Variants in DLGAP1 observed in about 807,000 individuals in gnomAD.
DLGAP1 encodes DLG associated protein 1.
A neutral mutation model predicts 90.8 loss-of-function variants in DLGAP1; 11 were observed. That is an observed-to-expected ratio of 0.12 (90% CI 0.08 to 0.20). DLGAP1 has a LOEUF of 0.20. Among genes scored for constraint, DLGAP1 ranks in the 10% least tolerant of loss-of-function variants. The pLI, the probability that DLGAP1 is intolerant of heterozygous loss-of-function variation, is 1.00. For synonymous variants in DLGAP1, 558 were observed against 540.7 expected, an observed-to-expected ratio of 1.03 and a Z score of -0.44; for missense variants, 1,050 against 1,333.8, an observed-to-expected ratio of 0.79 and a Z score of 3.31.
rs1437020482 is a variant in DLGAP1 at position 3,526,709 on chromosome 18, A to T, written c.2479+7485T>A. 6.6e-6 allele frequency among the ~76,000 whole-genome samples: 1 copy of T among 152,218 alleles called. No homozygotes were observed. Among genetic ancestry groups the T allele is most frequent in the South Asian group, 2.1e-4 (1 of 4,828 alleles). On this transcript the variant is annotated intron_variant, in intron 10 of 12. Transcript: ENST00000315677. The surrounding 1 kb of genome is among the most constrained non-coding windows in gnomAD (Gnocchi z 4.7). The stretch of plus-strand genomic sequence containing the variant: ...ACCTGAGCCTATGTTCTTTCCCCAC[A>T]GTGGTAGACTGCATTCCTAGTTGGA...
At chr18:3,803,624 A>G (rs1344007134) in intron 5 of DLGAP1, among the ~76,000 whole-genome samples, 1 of 152,094 alleles carries the variant, frequency 6.6e-6, no homozygotes, top group Non-Finnish European at 1.5e-5. Context: ...GATGGTGGAA[A>G]CAGTCTCCAG....
Position 3,502,602 on chromosome 18 carries a change from C to A in DLGAP1, c.2615G>T (p.Gly872Val), listed in dbSNP as rs2049994826. ...HPRPTSQDLA[G>V]FWDMLQLSIE... is the part of the protein sequence containing the mutation. The stretch of plus-strand genomic sequence containing the variant: ...GGACAACTGCAGCATGTCCCAAAAC[C>A]CCGCCAAATCCTGGGAGGTGGGTCT... The change falls in exon 12 of 13, where the codon GGG becomes GTG. Residue 872 changes from glycine (G) to valine (V), a missense_variant. Physicochemically the swap from Gly to Val is moderately radical, Grantham distance 109. Around this residue, in one of 2 missense-constraint regions of DLGAP1, gnomAD observed 565 missense variants for 879.7 expected, o/e 0.64. Transcript: ENST00000315677. The A allele has an allele frequency of 6.2e-7, 1 of 1,613,964 alleles. No homozygotes were observed. Among genetic ancestry groups the A allele is most frequent in the South Asian group, 1.1e-5 (1 of 91,068 alleles).
chr18:4,251,580 C>A (rs1440272822), intron 1 of DLGAP1, among the ~76,000 whole-genome samples: 1 of 152,124 alleles, frequency 6.6e-6, no homozygotes, highest in African/African-American at 2.4e-5. Context: ...CATATAAAAT[C>A]CAGTGAAAAT....
intron 3 of DLGAP1, among the ~76,000 whole-genome samples, chr18:4,000,385 C>G (rs1277988109): frequency 6.6e-6 from 1 of 152,116 alleles, no homozygotes; most frequent in Non-Finnish European, 1.5e-5. Context: ...TTTTTATATT[C>G]TCTTTCCAGT....
At chr18:3,778,349 G>T (rs1350881047) in intron 5 of DLGAP1, among the ~76,000 whole-genome samples, 2 of 152,070 alleles carry the variant, frequency 1.3e-5, no homozygotes, top group Non-Finnish European at 2.9e-5. Flanking sequence ...GCTGAGGCAG[G>T]AGAATCGCTT....
intron 7 of DLGAP1, among the ~76,000 whole-genome samples, chr18:3,710,560 T>C (rs759357215): frequency 3.3e-5 from 5 of 152,252 alleles, no homozygotes; most frequent in Non-Finnish European, 7.3e-5. Context: ...CTTTTACTTA[T>C]TTATTCCATA....
intron 7 of DLGAP1, among the ~76,000 whole-genome samples, chr18:3,697,615 CA>C: frequency 6.6e-6 from 1 of 152,140 alleles, no homozygotes; most frequent in African/African-American, 2.4e-5. Flanking sequence ...ATTATGTGGT[CA>C]ATTTTAGAAT....
At chr18:3,577,598 A>C (rs2055233078) in intron 8 of DLGAP1, among the ~76,000 whole-genome samples, 1 of 152,226 alleles carries the variant, frequency 6.6e-6, no homozygotes, top group Non-Finnish European at 1.5e-5. Context: ...TGCATGAAAA[A>C]GAGGAGACAG....
In DLGAP1 at chr18:3,580,312, G is replaced by A; in HGVS notation, c.1965+1563C>T. The A allele has an allele frequency of 2.5e-6, 4 of 1,613,936 alleles. No individual in the cohort carries two copies. In the East Asian group the frequency reaches 8.9e-5, roughly 36 times the overall value. On this transcript the variant is annotated intron_variant, in intron 8 of 12. Transcript: ENST00000315677. Reference sequence around the variant, plus strand: ...GCGCAACTGTCTCTTCCACCAAAAGGCACAAGTCCCTTTTTCAGTGCGCGA... The same window carrying A: ...GCGCAACTGTCTCTTCCACCAAAAGACACAAGTCCCTTTTTCAGTGCGCGA...
intron 1 of DLGAP1, among the ~76,000 whole-genome samples, chr18:4,435,702 G>A (rs1053620506): frequency 6.6e-6 from 1 of 152,288 alleles, no homozygotes; most frequent in Non-Finnish European, 1.5e-5. Context: ...TTTAATCACA[G>A]TAATAAAACC....
chr18:4,315,338 C>T (rs1281895401), intron 1 of DLGAP1, among the ~76,000 whole-genome samples: 1 of 152,176 alleles, frequency 6.6e-6, no homozygotes, highest in African/African-American at 2.4e-5. Flanking sequence ...ATGGACTATA[C>T]AGGCTGCATG....
At chr18:4,079,656 A>C (rs180890420) in intron 2 of DLGAP1, among the ~76,000 whole-genome samples, 43 of 151,504 alleles carry the variant, frequency 2.8e-4, no homozygotes, top group African/African-American at 8.0e-4. Flanking sequence ...TCATGTGACC[A>C]AAAACCATGT....
chr18:3,595,923 G>C (rs958721988), intron 7 of DLGAP1, among the ~76,000 whole-genome samples: 22 of 152,200 alleles, frequency 1.4e-4, no homozygotes, highest in Admixed American at 1.0e-3. Context: ...TTTTAACAAT[G>C]TGTGTGTTTT....
intron 3 of DLGAP1, among the ~76,000 whole-genome samples, chr18:3,945,789 A>AT (rs2072865500): frequency 2.5e-3 from 1 of 402 alleles, no homozygotes; most frequent in South Asian, 0.062. Context: ...TAATAATAAA[A>AT]GAAAAAAAAG....
chr18:4,136,040 C>A (rs1043438966), intron 2 of DLGAP1, among the ~76,000 whole-genome samples: 1 of 151,690 alleles, frequency 6.6e-6, no homozygotes, highest in Admixed American at 6.6e-5. Context: ...ATGACAGGCC[C>A]GATGTGTGAT....
At chr18:4,437,232 A>G (rs986453822) in intron 1 of DLGAP1, among the ~76,000 whole-genome samples, 4 of 152,226 alleles carry the variant, frequency 2.6e-5, no homozygotes, top group African/African-American at 9.6e-5. Context: ...AAAATAATCA[A>G]TAAAGCCTCA....
At chr18:3,505,665 T>C (rs367762700) in intron 11 of DLGAP1, among the ~76,000 whole-genome samples, 3 of 140,268 alleles carry the variant, frequency 2.1e-5, no homozygotes, top group Non-Finnish European at 4.6e-5. Flanking sequence ...AAAAAGTCAC[T>C]ATCAACTCCA....
intron 7 of DLGAP1, among the ~76,000 whole-genome samples, chr18:3,582,848 C>G (rs548081545): frequency 2.0e-5 from 2 of 99,040 alleles, no homozygotes; most frequent in Non-Finnish European, 4.1e-5. Flanking sequence ...CTCCCTCCCC[C>G]CTCCCTCCCT....
At chr18:4,003,379 G>C (rs1039309412) in intron 3 of DLGAP1, among the ~76,000 whole-genome samples, 5 of 150,862 alleles carry the variant, frequency 3.3e-5, no homozygotes, top group African/African-American at 9.7e-5. Flanking sequence ...GAAGGCAGGA[G>C]CCCAAGGATG....
Sources: allele counts gnomAD v4.1 joint callset (sites outside exome capture counted in the v4.1 genomes callset), GRCh38; gene constraint gnomAD v4.1.1; regional missense constraint gnomAD v4.1.1; non-coding constraint Gnocchi (gnomAD v3.1); transcripts MANE v1.5; gene names NCBI Gene and HGNC (gene_info 2026-07-23, HGNC 2026-07-21).